GCNT4: variants seen among roughly 807,000 people sequenced by gnomAD.
GCNT4 encodes the protein beta-1,3-galactosyl-O-glycosyl-glycoprotein beta-1,6-N-acetylglucosaminyltransferase 4.
GCNT4 carries 17 observed loss-of-function variants against 31.3 expected under a neutral mutation model. The observed-to-expected ratio is 0.54, with a 90% CI of 0.37 to 0.81. GCNT4 has a LOEUF of 0.81. Ranked by LOEUF, GCNT4 falls within the 40% of genes least tolerant of loss-of-function variation. The pLI, the probability that GCNT4 is intolerant of heterozygous loss-of-function variation, is 0.00. For missense variants in GCNT4, 503 were observed against 525.5 expected, an observed-to-expected ratio of 0.96 and a Z score of 0.42; for synonymous variants, 158 against 190.6, an observed-to-expected ratio of 0.83 and a Z score of 1.41.
At chr5:75,031,403 T>TA (rs1289451658) in intron 3 of GCNT4, among the ~76,000 whole-genome samples, 1 of 152,162 alleles carries the variant, frequency 6.6e-6, no homozygotes, top group African/African-American at 2.4e-5. Flanking sequence ...AGATAGTAAA[T>TA]ATTTTTGGCT....
chr5:75,040,297 C>T (rs893758463), intron 3 of GCNT4, among the ~76,000 whole-genome samples: 1 of 149,838 alleles, frequency 6.7e-6, no homozygotes, highest in Non-Finnish European at 1.5e-5. Flanking sequence ...AAATCTCTCT[C>T]CTATCACACT....
intron 3 of GCNT4, among the ~76,000 whole-genome samples, chr5:75,040,403 C>T (rs148773219): frequency 1.4e-3 from 214 of 152,304 alleles, no homozygotes; most frequent in African/African-American, 5.0e-3. Flanking sequence ...GAAGGCCTCA[C>T]TCACTACTTT....
At chr5:75,039,078 TTTTG>T (rs1743262932) in intron 3 of GCNT4, among the ~76,000 whole-genome samples, 2 of 150,924 alleles carry the variant, frequency 1.3e-5, no homozygotes, top group Non-Finnish European at 2.9e-5. Context: ...CACTGTTTTT[TTTTG>T]TTTTGTTTTG....
intron 3 of GCNT4, among the ~76,000 whole-genome samples, chr5:75,045,557 C>T (rs189175124): frequency 6.6e-6 from 1 of 152,266 alleles, no homozygotes; most frequent in Admixed American, 6.5e-5. Context: ...TTGCTTCCAC[C>T]CTTTCAGCTA....
chr5:75,053,696 GC>G (rs1743642946), upstream of GCNT4, among the ~76,000 whole-genome samples: 1 of 151,976 alleles, frequency 6.6e-6, no homozygotes, highest in Admixed American at 6.5e-5. Context: ...GCGCTGAGCG[GC>G]CCCCGTGACG....
chr5:75,020,873 T>C (rs924463084), downstream of GCNT4, among the ~76,000 whole-genome samples: 8 of 152,134 alleles, frequency 5.3e-5, no homozygotes, highest in African/African-American at 1.7e-4. Flanking sequence ...TGAAATAGGA[T>C]TGTCAAAATA....
rs767581715 is a variant in GCNT4, at chr5:75,029,738, A to C, written c.300T>G (p.Asp100Glu). The C allele has an allele frequency of 1.5e-5, 24 of 1,614,142 alleles. No homozygotes were observed. Among genetic ancestry groups the C allele is most frequent in the South Asian group, 2.2e-5 (2 of 91,078 alleles). The change falls in exon 4 of 4, where the codon GAT becomes GAG. Residue 100 changes from aspartate to glutamate, a missense_variant. Transcript: ENST00000652361. ...CACTGGTCATTGCCACAACATCATCATCCTCCAAGTCAATGATGTCCCTTC... is the reference window on the plus strand; with the variant it reads ...CACTGGTCATTGCCACAACATCATCCTCCTCCAAGTCAATGATGTCCCTTC... Reference protein sequence around the residue: ...IRRRDIIDLEDDDVVAMTSDC... With the variant: ...IRRRDIIDLEEDDVVAMTSDC...
Position 75,028,034 on chromosome 5 carries a change from T to A in GCNT4, c.*642A>T, listed in dbSNP as rs1184670214. On this transcript the variant is annotated 3_prime_UTR_variant, in exon 4 of 4. Transcript: ENST00000652361. ...TCCTCACCCCCTTCCTTAACTTTCA[T>A]ACATTATAAATGCCCCCCAACAGTC... 5 of 150,014 alleles carry A rather than the reference T, an allele frequency of 3.3e-5. No homozygotes were observed. Among genetic ancestry groups the A allele is most frequent in the South Asian group, 2.1e-4 (1 of 4,836 alleles). The allele number at this position is 150,014 out of a possible 1,614,324, so 9.3% of individuals were successfully genotyped here.
Position 75,029,217 on chromosome 5 carries a change from A to G in GCNT4, c.821T>C (p.Val274Ala). 1 of 1,614,046 alleles carries G rather than the reference A, an allele frequency of 6.2e-7. No individual in the cohort carries two copies. The highest frequency in any genetic ancestry group is 2.2e-5 in the East Asian group (1 of 44,884). ...TGGTAGCTTCACATATTCATAAGGC[A>G]CCCGTCTAAGTTCATGATGGTAAGT... is the stretch of plus-strand genomic sequence containing the variant. ...RFTYHHELRRVPYEYVKLPIR... is the reference protein window; with the variant it reads ...RFTYHHELRRAPYEYVKLPIR... Residue 274 changes from valine to alanine, a missense_variant, in exon 4 of 4, where the codon GTG becomes GCG. Val to Ala is a moderately conservative substitution (Grantham distance 64, BLOSUM62 0). Coordinates refer to ENST00000652361, the MANE Select transcript of GCNT4 (RefSeq NM_001366737.1).
At chr5:75,047,164 T>C (rs9293640) in intron 3 of GCNT4, among the ~76,000 whole-genome samples, 1 of 152,040 alleles carries the variant, frequency 6.6e-6, no homozygotes, top group Admixed American at 6.5e-5. Context: ...GGCTCCCCTG[T>C]CACATAAAAC....
chr5:75,029,031 T>C lies in GCNT4; in HGVS notation c.1007A>G (p.Glu336Gly). The part of the protein sequence containing the change: ...AWSKDTYSPD[E>G]HFWATLIRVP... ...CCGAATCAAGGTAGCCCAAAAGTGCTCATCAGGAGAGTATGTGTCTTTAGA... is the reference window on the plus strand; with the variant it reads ...CCGAATCAAGGTAGCCCAAAAGTGCCCATCAGGAGAGTATGTGTCTTTAGA... The change falls in exon 4 of 4, where the codon GAG (glutamate) becomes GGG (glycine). Residue 336 changes from glutamate (E) to glycine (G), a missense_variant. By Grantham distance (98) the Glu-to-Gly change is moderately conservative. Coordinates refer to ENST00000652361, the MANE Select transcript of GCNT4 (RefSeq NM_001366737.1). 1 of 1,614,136 alleles carries C rather than the reference T, an allele frequency of 6.2e-7. No individual in the cohort carries two copies. The highest frequency in any genetic ancestry group is 8.5e-7 in the Non-Finnish European group (1 of 1,180,020).
downstream of GCNT4, among the ~76,000 whole-genome samples, chr5:75,021,587 A>G (rs980850230): frequency 1.3e-5 from 2 of 152,258 alleles, no homozygotes; most frequent in Non-Finnish European, 2.9e-5. Flanking sequence ...GATTACAAGC[A>G]GTCTGATCAC....
Position 75,028,309 on chromosome 5 carries a change from T to C in GCNT4, c.*367A>G, listed in dbSNP as rs574517382. 5.2e-6 allele frequency: 1 copy of C among 193,156 alleles called. No homozygotes were observed. Among genetic ancestry groups the C allele is most frequent in the African/African-American group, 2.4e-5 (1 of 42,340 alleles). The allele number at this position is 193,156 out of a possible 1,614,324, so 12.0% of individuals were successfully genotyped here. On this transcript the variant is annotated 3_prime_UTR_variant, in exon 4 of 4. Transcript: ENST00000652361. ...CCACAAACTTCAAAAGCTTCTTCAG[T>C]AGAATCCTGACTGTTATGTGGAGAA...
rs1452429337 is a variant in GCNT4 at position 75,027,234 on chromosome 5, C to G, written c.*1442G>C. On this transcript the variant is annotated 3_prime_UTR_variant, in exon 4 of 4. Coordinates refer to ENST00000652361, the MANE Select transcript of GCNT4 (RefSeq NM_001366737.1). The stretch of plus-strand genomic sequence containing the variant: ...ACCCCATTCCTACCCCATTTTACTT[C>G]CAGAACAATTCCATTATATATATAA... 6.9e-6 allele frequency: 1 copy of G among 144,340 alleles called. No homozygotes were observed. The highest frequency in any genetic ancestry group is 2.6e-5 in the African/African-American group (1 of 38,644). 8.9% of individuals were successfully genotyped at this position (144,340 alleles called of 1,614,324 possible).
chr5:75,030,538 A>G (rs1743038665), intron 3 of GCNT4: 1 of 169,028 alleles, frequency 5.9e-6, no homozygotes, highest in African/African-American at 2.4e-5. Context: ...ACGTTCAGAA[A>G]GAAGGGTGGT....
At chr5:75,042,406 A>T (rs1162509364) in intron 3 of GCNT4, among the ~76,000 whole-genome samples, 5 of 152,194 alleles carry the variant, frequency 3.3e-5, no homozygotes, top group Non-Finnish European at 7.4e-5. Flanking sequence ...TTTTGGAAGC[A>T]TTTATTTTGG....
At chr5:75,040,195 T>G (rs942465130) in intron 3 of GCNT4, among the ~76,000 whole-genome samples, 2 of 151,964 alleles carry the variant, frequency 1.3e-5, no homozygotes, top group African/African-American at 2.4e-5. Flanking sequence ...TTTTTTTTTT[T>G]TTTTTGAGAG....
In GCNT4 at chr5:75,052,155, TTC is replaced by T. The variant is rs1406372166; in HGVS notation, c.-143+12_-143+13del. ...TGAATGCAAGATCAAAAAGGGCGAC[TTC>T]TGTCTACTCACATGAGACAATTAAA... On this transcript the variant is annotated intron_variant, in intron 2 of 3. Coordinates refer to ENST00000652361, the MANE Select transcript of GCNT4 (RefSeq NM_001366737.1). The T allele has an allele frequency of 2.0e-5, 3 of 149,782 alleles. No homozygotes were observed. Among genetic ancestry groups the T allele is most frequent in the Middle Eastern group, 3.2e-3 (1 of 314 alleles). The allele number at this position is 149,782 out of a possible 1,614,324, so 9.3% of individuals were successfully genotyped here. A position where few individuals can be genotyped will look rare whatever the true frequency, so the allele number is the denominator to read the frequency against.
intron 3 of GCNT4, among the ~76,000 whole-genome samples, chr5:75,039,465 G>A (rs565063059): frequency 3.9e-5 from 6 of 152,264 alleles, no homozygotes; most frequent in South Asian, 2.1e-4. Context: ...AGATAGGTAC[G>A]ATTATCATTA....
Sources: gnomAD v4.1 joint callset for allele counts (sites outside exome capture counted in the v4.1 genomes callset) on GRCh38, gnomAD v4.1.1 for gene constraint, MANE v1.5 for transcripts, NCBI Gene and HGNC (gene_info 2026-07-23, HGNC 2026-07-21) for gene names.